The following WDFY4 variants were observed in gnomAD, a reference collection of about 807,000 sequenced individuals.
WDFY4 encodes the protein WDFY family member 4, also known as WD repeat- and FYVE domain-containing protein 4.
Under a neutral mutation model 351.9 loss-of-function variants are expected in WDFY4, and 169 were observed. The observed-to-expected ratio is 0.48, with a 90% confidence interval of 0.42 to 0.55. The LOEUF is 0.55. Ranked by LOEUF, WDFY4 falls within the 20% of genes least tolerant of loss-of-function variation. The pLI, the probability that WDFY4 is intolerant of heterozygous loss-of-function variation, is 0.00. For synonymous variants in WDFY4, 1,622 were observed against 1,574.6 expected, an observed-to-expected ratio of 1.03 and a Z score of -0.71; for missense variants, 3,803 against 3,935.6, an observed-to-expected ratio of 0.97 and a Z score of 0.90.
intron 47 of WDFY4, among the ~76,000 whole-genome samples, chr10:48,932,196 G>A (rs1432324491): frequency 6.6e-6 from 1 of 152,238 alleles, no homozygotes; most frequent in African/African-American, 2.4e-5. Context: ...ACTCAACAAA[G>A]CCAGTCATCT....
chr10:48,774,660 C>G lies in WDFY4; in HGVS notation c.2756C>G (p.Pro919Arg). ...AAGCTCGCTTCCCAGGCCATTGAACCGGATGTGCTAAGGTACCACATGCTG... is the reference window on the plus strand; with the variant it reads ...AAGCTCGCTTCCCAGGCCATTGAACGGGATGTGCTAAGGTACCACATGCTG... ...FEKLASQAIE[P>R]DVLRQFLGLG... The change falls in exon 14 of 62, where the codon CCG (proline) becomes CGG (arginine). Residue 919 changes from proline (P) to arginine (R), a missense_variant. Physicochemically the swap from Pro to Arg is moderately radical, Grantham distance 103. Transcript: ENST00000325239. 1 of 1,551,696 alleles carries G rather than the reference C, an allele frequency of 6.4e-7. No individual in the cohort carries two copies. Among genetic ancestry groups the G allele is most frequent in the Non-Finnish European group, 8.7e-7 (1 of 1,146,988 alleles).
At chr10:48,845,679 G>A (rs548605337) in intron 39 of WDFY4, among the ~76,000 whole-genome samples, 4 of 152,274 alleles carry the variant, frequency 2.6e-5, no homozygotes, top group African/African-American at 9.6e-5. Flanking sequence ...TTAATTTTAT[G>A]TATTTATTTA....
chr10:48,815,093 C>T (rs1294925405), intron 31 of WDFY4, among the ~76,000 whole-genome samples: 1 of 152,172 alleles, frequency 6.6e-6, no homozygotes, highest in African/African-American at 2.4e-5. Flanking sequence ...TGTAGTATAG[C>T]AGGTCAAAGT....
chr10:48,719,714 C>T lies in WDFY4; in HGVS notation c.235-297C>T, dbSNP rs17836406. Among the ~76,000 whole-genome samples, 197 of 152,288 alleles carry T rather than the reference C, an allele frequency of 1.3e-3. 6 individuals carry two copies. The East Asian group carries it at 0.03, about 23-fold the overall frequency. On this transcript the variant is annotated intron_variant, in intron 2 of 61. Transcript: ENST00000325239. ...GGGGGCAGCAGGCACCTGGCAGGGC[C>T]ATCCACCGACGCCAGATGCAGCAGG...
chr10:48,718,683 G>A (rs1408646564), intron 2 of WDFY4, among the ~76,000 whole-genome samples: 2 of 152,192 alleles, frequency 1.3e-5, no homozygotes, highest in Non-Finnish European at 2.9e-5. Context: ...TCTGGCCATT[G>A]GTCTGGAATG....
At chr10:48,712,279 A>G (rs919846063) in intron 2 of WDFY4, among the ~76,000 whole-genome samples, 7 of 152,242 alleles carry the variant, frequency 4.6e-5, no homozygotes, top group African/African-American at 4.8e-5. Context: ...GTAAGACAAG[A>G]CAATGATTAT....
At chr10:48,787,204 A>G (rs759297190) in intron 20 of WDFY4, among the ~76,000 whole-genome samples, 3 of 152,238 alleles carry the variant, frequency 2.0e-5, no homozygotes, top group Admixed American at 2.0e-4. Flanking sequence ...GTTGACTTCA[A>G]TTATTAAACA....
chr10:48,905,421 C>T (rs1166054351), intron 47 of WDFY4, among the ~76,000 whole-genome samples: 1 of 152,224 alleles, frequency 6.6e-6, no homozygotes, highest in Non-Finnish European at 1.5e-5. Context: ...TGATGATGAC[C>T]TGCAATGCCA....
chr10:48,925,775 A>C (rs1403398792), intron 47 of WDFY4, among the ~76,000 whole-genome samples: 7 of 152,034 alleles, frequency 4.6e-5, no homozygotes, highest in Non-Finnish European at 8.8e-5. Flanking sequence ...GTTTGGGGGG[A>C]TTTCTGACAT....
At chr10:48,787,932 T>TCTTCTTCTTCTC (rs2066518012) in intron 20 of WDFY4, among the ~76,000 whole-genome samples, 1 of 93,182 alleles carries the variant, frequency 1.1e-5, no homozygotes, top group Non-Finnish European at 2.1e-5. Context: ...TTCTTCTTCT[T>TCTTCTTCTTCTC]CTTCTTCTTC....
intron 37 of WDFY4, among the ~76,000 whole-genome samples, chr10:48,829,782 G>A (rs1829400609): frequency 6.6e-6 from 1 of 152,150 alleles, no homozygotes; most frequent in Non-Finnish European, 1.5e-5. Context: ...AACCTGGGAG[G>A]AGGAGGTTGC....
At chr10:48,787,154 C>T (rs533336586) in intron 20 of WDFY4, among the ~76,000 whole-genome samples, 1 of 152,304 alleles carries the variant, frequency 6.6e-6, no homozygotes, top group South Asian at 2.1e-4. Flanking sequence ...AAATAAGTTA[C>T]ATTGCTTTTA....
intron 24 of WDFY4, among the ~76,000 whole-genome samples, chr10:48,800,530 A>G (rs2067031622): frequency 6.6e-6 from 1 of 151,886 alleles, no homozygotes; most frequent in South Asian, 2.1e-4. Flanking sequence ...TGAGGGAAGG[A>G]GGGACAGGAA....
chr10:48,945,900 C>G, intron 49 of WDFY4, 140 bp from the exon 50 acceptor site: 1 of 563,436 alleles, frequency 1.8e-6, no homozygotes, highest in Non-Finnish European at 3.0e-6. Context: ...CATAAAACCC[C>G]AGCCTGCCAG....
intron 61 of WDFY4, 120 bp downstream of exon 61, chr10:48,981,598 T>A: frequency 1.2e-6 from 1 of 855,312 alleles, no homozygotes. Context: ...CTCCAGGACA[T>A]GGCCCCACCA....
At chr10:48,728,527 G>A (rs922443317) in intron 7 of WDFY4, among the ~76,000 whole-genome samples, 2 of 152,164 alleles carry the variant, frequency 1.3e-5, no homozygotes, top group East Asian at 1.9e-4. Flanking sequence ...ATCTACTACC[G>A]CACTTCACAC....
chr10:48,972,284 A>G (rs1842371520), intron 57 of WDFY4, among the ~76,000 whole-genome samples: 1 of 152,248 alleles, frequency 6.6e-6, no homozygotes, highest in Non-Finnish European at 1.5e-5. Context: ...AGGCGGTTCA[A>G]AAAGTATTTT....
chr10:48,752,379 C>T (rs1029144809), intron 12 of WDFY4, among the ~76,000 whole-genome samples: 1 of 152,308 alleles, frequency 6.6e-6, no homozygotes, highest in African/African-American at 2.4e-5. Flanking sequence ...TTAAAAAAAT[C>T]TTAGCTTTTT....
chr10:48,946,471 A>T (rs1055091306), intron 50 of WDFY4, among the ~76,000 whole-genome samples: 8 of 152,264 alleles, frequency 5.3e-5, no homozygotes, highest in African/African-American at 1.9e-4. Flanking sequence ...AGCAGAATAA[A>T]CTAACATTTA....
Sources: gnomAD v4.1 joint callset for allele counts (sites outside exome capture counted in the v4.1 genomes callset) on GRCh38, gnomAD v4.1.1 for gene constraint, MANE v1.5 for transcripts, NCBI Gene and HGNC (gene_info 2026-07-23, HGNC 2026-07-21) for gene names.